Variants in LRRC20 observed in about 807,000 individuals in gnomAD.
The protein encoded by LRRC20 is leucine-rich repeat-containing protein 20.
LRRC20 carries 11 observed loss-of-function variants against 14.4 expected under a neutral mutation model. The ratio of observed to expected loss-of-function variants is 0.77; its 90% CI spans 0.48 to 1.27. The LOEUF (loss-of-function observed/expected upper bound fraction) is 1.27, where lower values mean the gene tolerates loss of function less well. Among genes scored for constraint, LRRC20 ranks in the 50% most tolerant of loss-of-function variants. The pLI, the probability that LRRC20 is intolerant of heterozygous loss-of-function variation, is 0.00. For synonymous variants in LRRC20, 121 were observed against 107.3 expected (o/e 1.13, Z -0.79); for missense variants, 219 against 251.2 (o/e 0.87, Z 0.87).
chr10:70,339,483 G>A (rs1842831693), intron 3 of LRRC20, among the ~76,000 whole-genome samples: 1 of 152,130 alleles, frequency 6.6e-6, no homozygotes, highest in Non-Finnish European at 1.5e-5. Flanking sequence ...GGCTGGAAGG[G>A]GGGCATGGAG....
intron 4 of LRRC20, among the ~76,000 whole-genome samples, chr10:70,304,499 T>G (rs1175582558): frequency 7.7e-6 from 1 of 129,088 alleles, no homozygotes; most frequent in African/African-American, 3.1e-5. Context: ...TATATATATA[T>G]ATATATATTT....
At chr10:70,302,723 T>TG (rs1243316341) in intron 4 of LRRC20, among the ~76,000 whole-genome samples, 1 of 151,680 alleles carries the variant, frequency 6.6e-6, no homozygotes, top group East Asian at 1.9e-4. Flanking sequence ...CTTTTTTTTT[T>TG]TTTTTGAGAC....
intron 3 of LRRC20, among the ~76,000 whole-genome samples, chr10:70,338,591 G>A (rs1214817239): frequency 1.3e-5 from 2 of 152,200 alleles, no homozygotes; most frequent in Non-Finnish European, 2.9e-5. Flanking sequence ...GAATAATGCT[G>A]CCATGAACAT....
At chr10:70,378,283 CCT>C (rs1398787881) in intron 1 of LRRC20, among the ~76,000 whole-genome samples, 1 of 152,132 alleles carries the variant, frequency 6.6e-6, no homozygotes, top group Non-Finnish European at 1.5e-5. Context: ...TTCTCTCCTT[CCT>C]CTGAGTTTCA....
At chr10:70,316,890 G>A (rs115847256) in intron 4 of LRRC20, among the ~76,000 whole-genome samples, 1 of 152,354 alleles carries the variant, frequency 6.6e-6, no homozygotes, top group African/African-American at 2.4e-5. Flanking sequence ...AAGGGCATGC[G>A]GGGCAGAAGG....
intron 4 of LRRC20, among the ~76,000 whole-genome samples, chr10:70,302,239 C>G (rs370911332): frequency 1.3e-4 from 19 of 151,870 alleles, no homozygotes; most frequent in Non-Finnish European, 2.6e-4. Context: ...CTTGAACCCA[C>G]GAGGCGGAGG....
intron 4 of LRRC20, among the ~76,000 whole-genome samples, chr10:70,305,716 C>T (rs1841393712): frequency 6.6e-6 from 1 of 151,392 alleles, no homozygotes; most frequent in South Asian, 2.1e-4. Context: ...AGCAAAAATA[C>T]CAGATGACCA....
At chr10:70,376,422 G>A (rs186829598) in intron 2 of LRRC20, 30 bp downstream of exon 2, 111 of 1,609,416 alleles carry the variant, frequency 6.9e-5, no homozygotes, top group Admixed American at 4.7e-4. Flanking sequence ...TGCTTCCAGG[G>A]AAGTTGGGAA....
intron 4 of LRRC20, among the ~76,000 whole-genome samples, chr10:70,303,215 C>T (rs1036125851): frequency 1.3e-5 from 2 of 152,114 alleles, no homozygotes; most frequent in Admixed American, 1.3e-4. Flanking sequence ...GAGAGGAAGT[C>T]GCATACAGTG....
intron 2 of LRRC20, among the ~76,000 whole-genome samples, 173 bp from the exon 3 acceptor site, chr10:70,340,875 C>T (rs1363694997): frequency 5.3e-5 from 8 of 152,156 alleles, no homozygotes; most frequent in African/African-American, 9.7e-5. Context: ...GAGCCCTCCT[C>T]ATAGGCATTA....
Position 70,311,222 on chromosome 10 carries a change from A to ATTTTTTTTTTTTTTTTT in LRRC20, c.401-9731_401-9715dup, listed in dbSNP as rs11314061. Among the ~76,000 whole-genome samples, 33 of 86,344 alleles carry ATTTTTTTTTTTTTTTTT rather than the reference A, an allele frequency of 3.8e-4. 2 individuals carry two copies. Among genetic ancestry groups the ATTTTTTTTTTTTTTTTT allele is most frequent in the Admixed American group, 9.8e-4 (7 of 7,160 alleles). 56.6% of individuals were successfully genotyped at this position (86,344 alleles called of 152,430 possible). Reference sequence around the variant, plus strand: ...ACATCCAGGTTGTTTTCAACATTCCATTTTTTTTTTTTTTTTTTTTTTTTG... The same window carrying ATTTTTTTTTTTTTTTTT: ...ACATCCAGGTTGTTTTCAACATTCCATTTTTTTTTTTTTTTTTTTTTTTTTTTTTTTTTTTTTTTTTG... On this transcript the variant is annotated intron_variant, in intron 4 of 4. Transcript: ENST00000446961.
At position 70,301,070 on chromosome 10, in the gene LRRC20, C is replaced by G; in HGVS notation, c.*284G>C. The G allele has an allele frequency of 4.1e-6, 5 of 1,206,040 alleles. No individual in the cohort carries two copies. Among genetic ancestry groups the G allele is most frequent in the Non-Finnish European group, 5.2e-6 (5 of 970,128 alleles). The allele number at this position is 1,206,040 out of a possible 1,614,324, so 74.7% of individuals were successfully genotyped here. ...AGGAGGGAAAGGGTCCTGTTTTTTT[C>G]AAGTGACAAGGCTCAGAGAGGGCAG... On this transcript the variant is annotated 3_prime_UTR_variant, in exon 5 of 5. Transcript: ENST00000446961.
intron 4 of LRRC20, among the ~76,000 whole-genome samples, chr10:70,317,018 C>T (rs1841889313): frequency 6.6e-6 from 1 of 152,240 alleles, no homozygotes; most frequent in Non-Finnish European, 1.5e-5. Flanking sequence ...CTCTGGAAAG[C>T]TGGCTGTGCT....
rs562714492 is a variant in LRRC20 at position 70,345,439 on chromosome 10, T to C, written c.83-4737A>G. Among the ~76,000 whole-genome samples, 8 of 151,350 alleles carry C rather than the reference T, an allele frequency of 5.3e-5. No individual in the cohort carries two copies. In the South Asian group the frequency reaches 1.3e-3, roughly 24 times the overall value. On this transcript the variant is annotated intron_variant, in intron 2 of 4. Transcript: ENST00000446961. The stretch of plus-strand genomic sequence containing the variant: ...TCCCAAATCTAGGAGCATAACAGAA[T>C]CACAAAGGAACAGATCAACAAAACT...
intron 2 of LRRC20, among the ~76,000 whole-genome samples, chr10:70,369,598 G>C (rs117441130): frequency 0.045 from 4,609 of 102,350 alleles, 128 homozygotes; most frequent in East Asian, 0.059. Flanking sequence ...AGAGTAAGAC[G>C]CTGTCTCAAA....
At chr10:70,318,513 G>A (rs1841955992) in intron 4 of LRRC20, among the ~76,000 whole-genome samples, 1 of 152,174 alleles carries the variant, frequency 6.6e-6, no homozygotes, top group Non-Finnish European at 1.5e-5. Flanking sequence ...CAGCAATTTG[G>A]GAGGCCGAGG....
chr10:70,352,597 G>A (rs898753280), intron 2 of LRRC20, among the ~76,000 whole-genome samples: 26 of 152,254 alleles, frequency 1.7e-4, no homozygotes, highest in African/African-American at 5.8e-4. Context: ...ATGCACCAAC[G>A]TAGGTTCACC....
intron 2 of LRRC20, among the ~76,000 whole-genome samples, chr10:70,372,991 G>A (rs988235617): frequency 6.6e-6 from 1 of 151,664 alleles, no homozygotes. Context: ...GCACACACCT[G>A]TAATCCCAGC....
intron 2 of LRRC20, among the ~76,000 whole-genome samples, chr10:70,362,485 A>T (rs949340993): frequency 2.0e-5 from 3 of 152,258 alleles, no homozygotes; most frequent in African/African-American, 7.2e-5. Flanking sequence ...CAGAACTGCT[A>T]AAGGTCAGCG....
Sources: allele counts gnomAD v4.1 joint callset (sites outside exome capture counted in the v4.1 genomes callset), GRCh38; gene constraint gnomAD v4.1.1; transcripts MANE v1.5; gene names NCBI Gene and HGNC (gene_info 2026-07-23, HGNC 2026-07-21).